Variants in ADAM20 observed in about 807,000 individuals in gnomAD.
ADAM20 encodes disintegrin and metalloproteinase domain-containing protein 20.
For missense variants in ADAM20, 871 were observed against 883.2 expected (o/e 0.99, Z 0.18); for synonymous variants, 305 against 310.2 (o/e 0.98, Z 0.18).
rs1883498525 is a variant in ADAM20 at position 70,523,321 on chromosome 14, A to G, written c.1437T>C (p.Asn479=). 2 of 1,613,926 alleles carry G rather than the reference A, an allele frequency of 1.2e-6. No individual in the cohort carries two copies. Among genetic ancestry groups the G allele is most frequent in the Non-Finnish European group, 1.7e-6 (2 of 1,179,954 alleles). The change falls in exon 2 of 2, where the codon AAT becomes AAC. Residue 479 remains asparagine (N), a synonymous_variant. Transcript: ENST00000256389. ...CATCTGGGCATTGATGGGATGTCCCATTGCACCACTCTGGAAGGTCACATT... is the reference window on the plus strand; with the variant it reads ...CATCTGGGCATTGATGGGATGTCCCGTTGCACCACTCTGGAAGGTCACATT... ...VGECDLPEWC[N]GTSHQCPDDV...
At chr14:70,558,678 TGAA>T in the ADAM20 span, among the ~76,000 whole-genome samples, 312 of 151,986 alleles carry the variant, frequency 2.1e-3, no homozygotes, top group Middle Eastern at 0.024. Context: ...GACATGAAAA[TGAA>T]GTAAAAATAA....
At chr14:70,532,294 T>G (rs1883729064) in intron 1 of ADAM20, among the ~76,000 whole-genome samples, 1 of 151,932 alleles carries the variant, frequency 6.6e-6, no homozygotes, top group Non-Finnish European at 1.5e-5. Context: ...AAGCATGAAA[T>G]TGAACACTTA....
chr14:70,577,766 A>G, the ADAM20 span, among the ~76,000 whole-genome samples: 2 of 152,218 alleles, frequency 1.3e-5, no homozygotes, highest in Non-Finnish European at 2.9e-5. Context: ...ACAAGTGCCA[A>G]GACTATTCAA....
the ADAM20 span, among the ~76,000 whole-genome samples, chr14:70,569,213 A>G: frequency 1.3e-5 from 2 of 152,220 alleles, no homozygotes; most frequent in African/African-American, 4.8e-5. Context: ...CCTTTATTAG[A>G]GAAGCAACTG....
the ADAM20 span, among the ~76,000 whole-genome samples, chr14:70,575,553 T>C: frequency 6.6e-6 from 1 of 152,220 alleles, no homozygotes; most frequent in Non-Finnish European, 1.5e-5. Flanking sequence ...AATACCTTGT[T>C]CGTGGTAATG....
chr14:70,569,885 C>CAAAAAAAA, the ADAM20 span, among the ~76,000 whole-genome samples: 15 of 76,182 alleles, frequency 2.0e-4, no homozygotes, highest in Non-Finnish European at 2.7e-4. Context: ...AGAAAACTAA[C>CAAAAAAAA]AAAAAAAAAA....
At chr14:70,545,956 C>T in the ADAM20 span, among the ~76,000 whole-genome samples, 1 of 152,172 alleles carries the variant, frequency 6.6e-6, no homozygotes, top group South Asian at 2.1e-4. Context: ...GACAAGACCA[C>T]AAAACAAGTC....
At chr14:70,535,901 A>C (rs1460856127), upstream of ADAM20, among the ~76,000 whole-genome samples, 2 of 152,220 alleles carry the variant, frequency 1.3e-5, no homozygotes, top group African/African-American at 4.8e-5. Flanking sequence ...AAAATATATA[A>C]ACGAAATTGT....
Position 70,524,164 on chromosome 14 carries a change from A to T in ADAM20, c.594T>A (p.Ser198=), listed in dbSNP as rs1476580187. The change falls in exon 2 of 2, where the codon TCT becomes TCA. Residue 198 remains serine, a synonymous_variant. Coordinates refer to ENST00000256389, the MANE Select transcript of ADAM20 (RefSeq NM_003814.5). Reference sequence around the variant, plus strand: ...GCTGATGGGTCCACCAGCCCACAAAAGAACTTTGCTTCAGAGTGAAATTAT... The same window carrying T: ...GCTGATGGGTCCACCAGCCCACAAATGAACTTTGCTTCAGAGTGAAATTAT... ...LSYNFTLKQS[S]FVGWWTHQRF... 1 of 1,613,842 alleles carries T rather than the reference A, an allele frequency of 6.2e-7. No individual in the cohort carries two copies. Among genetic ancestry groups the T allele is most frequent in the Admixed American group, 1.7e-5 (1 of 59,940 alleles).
the ADAM20 span, among the ~76,000 whole-genome samples, chr14:70,579,343 A>G: frequency 1.1e-4 from 16 of 152,074 alleles, no homozygotes; most frequent in Non-Finnish European, 2.2e-4. Flanking sequence ...CCTTGCCAAC[A>G]TCTGTTTTTT....
At chr14:70,541,822 G>A in the ADAM20 span, among the ~76,000 whole-genome samples, 1 of 152,152 alleles carries the variant, frequency 6.6e-6, no homozygotes, top group Non-Finnish European at 1.5e-5. Flanking sequence ...TACATTATCA[G>A]TACAGTAATA....
the ADAM20 span, among the ~76,000 whole-genome samples, chr14:70,575,202 A>G: frequency 1.3e-5 from 2 of 150,538 alleles, no homozygotes; most frequent in African/African-American, 4.9e-5. Flanking sequence ...ATAAATATAT[A>G]TATATTTTTT....
rs780761874 is a variant in ADAM20 at position 70,523,196 on chromosome 14, T to C, written c.1562A>G (p.Gln521Arg). The change falls in exon 2 of 2, where the codon CAA (glutamine) becomes CGA (arginine). Residue 521 changes from glutamine to arginine, a missense_variant. By Grantham distance (43) the Gln-to-Arg change is conservative. Transcript: ENST00000256389. ...HDIQCKEIFG[Q>R]DARSASQSCY... ...ACTCTGAGATGCACTCCTTGCATCT[T>C]GGCCAAAAATCTCTTTACATTGTAT... The C allele has an allele frequency of 8.1e-6, 13 of 1,614,050 alleles. No individual in the cohort carries two copies. The Admixed American group carries it at 8.3e-5, about 10-fold the overall frequency.
the ADAM20 span, among the ~76,000 whole-genome samples, chr14:70,553,165 C>CG: frequency 2.1e-5 from 1 of 47,428 alleles, no homozygotes; most frequent in African/African-American, 8.6e-5. Flanking sequence ...GTGGTGGGGT[C>CG]GGGGGAGGGG....
chr14:70,559,402 CATT>C, the ADAM20 span, among the ~76,000 whole-genome samples: 4 of 152,134 alleles, frequency 2.6e-5, no homozygotes, highest in African/African-American at 4.8e-5. Flanking sequence ...CCATCCCCAT[CATT>C]ATCACCCTGG....
chr14:70,577,606 CA>C, the ADAM20 span, among the ~76,000 whole-genome samples: 2 of 152,064 alleles, frequency 1.3e-5, no homozygotes, highest in Non-Finnish European at 2.9e-5. Context: ...TCATTTGAAA[CA>C]TAACAAAATT....
intron 1 of ADAM20, among the ~76,000 whole-genome samples, chr14:70,533,922 A>C (rs1048782608): frequency 2.0e-5 from 3 of 151,656 alleles, no homozygotes; most frequent in Non-Finnish European, 4.4e-5. Context: ...ATCTCTACTA[A>C]AAATACAAAA....
chr14:70,554,349 C>T, the ADAM20 span, among the ~76,000 whole-genome samples: 1 of 152,106 alleles, frequency 6.6e-6, no homozygotes, highest in South Asian at 2.1e-4. Context: ...ATAGAACTAC[C>T]TACTAACTAG....
chr14:70,530,267 C>T (rs1160576910), intron 1 of ADAM20, among the ~76,000 whole-genome samples: 1 of 152,098 alleles, frequency 6.6e-6, no homozygotes, highest in Non-Finnish European at 1.5e-5. Context: ...CATCAATAAT[C>T]ACTGTCTTCT....
Sources: allele counts gnomAD v4.1 joint callset (sites outside exome capture counted in the v4.1 genomes callset), GRCh38; gene constraint gnomAD v4.1.1; transcripts MANE v1.5; gene names NCBI Gene and HGNC (gene_info 2026-07-23, HGNC 2026-07-21).